The following VGLL3 variants were observed in gnomAD, a reference collection of about 807,000 sequenced individuals.
The protein encoded by VGLL3 is vestigial like family member 3.
VGLL3 carries 18 observed loss-of-function variants against 29.2 expected under a neutral mutation model. The observed-to-expected ratio is 0.62, with a 90% CI of 0.43 to 0.91. The LOEUF is 0.91. Ranked by LOEUF, VGLL3 falls within the 40% of genes least tolerant of loss-of-function variation. The pLI, the probability that VGLL3 is intolerant of heterozygous loss-of-function variation, is 0.00. For missense variants in VGLL3, 440 were observed against 413.2 expected (o/e 1.06, Z -0.56); for synonymous variants, 180 against 151.8 (o/e 1.19, Z -1.36).
At position 86,990,965 on chromosome 3, in the gene VGLL3, C is replaced by T. The variant is rs956164419; in HGVS notation, c.-222G>A. 2.9e-6 allele frequency: 3 copies of T among 1,047,920 alleles called. No homozygotes were observed. Among genetic ancestry groups the T allele is most frequent in the East Asian group, 7.6e-5 (1 of 13,210 alleles). 64.9% of individuals were successfully genotyped at this position (1,047,920 alleles called of 1,614,324 possible). On this transcript the variant is annotated 5_prime_UTR_variant, in exon 1 of 4. Transcript: ENST00000398399. ...CATGCGCGGGCACCTTCATCTTCAG[C>T]CCCTCCGGATGTTCCCTGCCGCGCT...
At chr3:86,980,040 G>A (rs1298573414) in intron 1 of VGLL3, among the ~76,000 whole-genome samples, 7 of 151,608 alleles carry the variant, frequency 4.6e-5, no homozygotes. Flanking sequence ...AGGAGATAAT[G>A]CTAAAGATAT....
intron 1 of VGLL3, among the ~76,000 whole-genome samples, chr3:86,986,002 A>T (rs1034418118): frequency 6.6e-6 from 1 of 150,814 alleles, no homozygotes; most frequent in Non-Finnish European, 1.5e-5. Context: ...CCCTTTGCAC[A>T]GATAGATATG....
In VGLL3 at chr3:86,940,147, A is replaced by T. The variant is rs1332837187; in HGVS notation, c.*6877T>A. 6.6e-6 allele frequency: 1 copy of T among 152,196 alleles called. No homozygotes were observed. The highest frequency in any genetic ancestry group is 1.5e-5 in the Non-Finnish European group (1 of 68,046). 9.4% of individuals were successfully genotyped at this position (152,196 alleles called of 1,614,324 possible). ...GATTTTCAGACTTTAGTACTTTCAC[A>T]TTAAAGATACGTGTAATAAGAAAAT... On this transcript the variant is annotated 3_prime_UTR_variant, in exon 4 of 4. Transcript: ENST00000398399.
intron 3 of VGLL3, among the ~76,000 whole-genome samples, chr3:86,949,129 T>C (rs920503144): frequency 6.6e-6 from 1 of 152,220 alleles, no homozygotes; most frequent in Non-Finnish European, 1.5e-5. Context: ...TTCTTGCTTT[T>C]AAACAAAGGC....
chr3:86,951,774 A>G (rs57604593), intron 3 of VGLL3, among the ~76,000 whole-genome samples: 13,429 of 149,222 alleles, frequency 0.09, 1,601 homozygotes, highest in African/African-American at 0.27. Flanking sequence ...CCCATAATTG[A>G]TATAGGAGAC....
chr3:86,969,040 A>G lies in VGLL3; in HGVS notation c.487T>C (p.Leu163=), dbSNP rs1209402832. The change falls in exon 3 of 4, where the codon TTG becomes CTG. Residue 163 remains leucine, a synonymous_variant. Transcript: ENST00000398399. The part of the protein sequence containing the change: ...SSYQPPPAPC[L]GGVHPDFQVT... Reference sequence around the variant, plus strand: ...TGGAAGTCAGGATGAACTCCCCCCAAACAAGGTGCAGGTGGGGGCTGGTAA... The same window carrying G: ...TGGAAGTCAGGATGAACTCCCCCCAGACAAGGTGCAGGTGGGGGCTGGTAA... The G allele has an allele frequency of 1.6e-5, 26 of 1,614,006 alleles. No homozygotes were observed. Among genetic ancestry groups the G allele is most frequent in the African/African-American group, 4.0e-5 (3 of 74,906 alleles).
chr3:86,953,828 T>G (rs1704662492), intron 3 of VGLL3, among the ~76,000 whole-genome samples: 1 of 152,210 alleles, frequency 6.6e-6, no homozygotes, highest in Non-Finnish European at 1.5e-5. Context: ...TTTCTTCCCA[T>G]GTATTACAAA....
chr3:86,948,598 T>A (rs952229804), intron 3 of VGLL3, among the ~76,000 whole-genome samples: 4 of 148,604 alleles, frequency 2.7e-5, no homozygotes, highest in African/African-American at 7.4e-5. Flanking sequence ...TAATTAATTT[T>A]AAAAAAGCAG....
chr3:86,976,656 C>T (rs1705216712), intron 2 of VGLL3, among the ~76,000 whole-genome samples: 1 of 152,182 alleles, frequency 6.6e-6, no homozygotes, highest in Admixed American at 6.5e-5. Flanking sequence ...TTGCAAATTA[C>T]AGAGAAAATG....
chr3:86,956,716 C>T (rs1234194426), intron 3 of VGLL3, among the ~76,000 whole-genome samples: 2 of 144,856 alleles, frequency 1.4e-5, no homozygotes, highest in Admixed American at 7.3e-5. Context: ...ACCCGGGAAG[C>T]GGAGCTTGCA....
chr3:86,990,780 GC>G lies in VGLL3; in HGVS notation c.-38del. 7.9e-7 allele frequency: 1 copy of G among 1,273,220 alleles called. No individual in the cohort carries two copies. Among genetic ancestry groups the G allele is most frequent in the Non-Finnish European group, 9.9e-7 (1 of 1,005,458 alleles). The allele number at this position is 1,273,220 out of a possible 1,614,324, so 78.9% of individuals were successfully genotyped here. ...CAGTGGCGGCCCCCGAGCTGCCGCCGCCGCTCTACGCGCTGGCGCGAGGGGC... is the reference window on the plus strand; with the variant it reads ...CAGTGGCGGCCCCCGAGCTGCCGCCGCGCTCTACGCGCTGGCGCGAGGGGC... On this transcript the variant is annotated 5_prime_UTR_variant, in exon 1 of 4. Coordinates refer to ENST00000398399, the MANE Select transcript of VGLL3 (RefSeq NM_016206.4).
chr3:86,975,297 CTTCT>C (rs1470938076), intron 2 of VGLL3, among the ~76,000 whole-genome samples: 1 of 152,146 alleles, frequency 6.6e-6, no homozygotes, highest in African/African-American at 2.4e-5. Flanking sequence ...TATTGAACCT[CTTCT>C]TTAAGACATT....
chr3:86,976,465 C>T (rs183923204), intron 2 of VGLL3, among the ~76,000 whole-genome samples: 2 of 152,284 alleles, frequency 1.3e-5, no homozygotes, highest in Admixed American at 1.3e-4. Flanking sequence ...TTGCCTAACA[C>T]ATAGCAGGAG....
At chr3:86,988,410 C>T (rs990790008) in intron 1 of VGLL3, among the ~76,000 whole-genome samples, 5 of 151,518 alleles carry the variant, frequency 3.3e-5, no homozygotes, top group African/African-American at 4.8e-5. Context: ...TATGTATTCT[C>T]GGATGACTGC....
rs140854941 is a variant in VGLL3, at chr3:86,958,464, C to T, written c.937+10126G>A. Among the ~76,000 whole-genome samples, 626 of 152,280 alleles carry T rather than the reference C, an allele frequency of 4.1e-3. 6 individuals are homozygous for T. The highest frequency in any genetic ancestry group is 0.014 in the African/African-American group (594 of 41,548). The stretch of plus-strand genomic sequence containing the variant: ...TGCAAGCACATCCTAAAACATAACA[C>T]CTTTACAAAGCTCCTGCACCTGTTC... On this transcript the variant is annotated intron_variant, in intron 3 of 3. Transcript: ENST00000398399.
At chr3:86,953,162 A>G (rs2106969992) in intron 3 of VGLL3, among the ~76,000 whole-genome samples, 1 of 152,156 alleles carries the variant, frequency 6.6e-6, no homozygotes, top group East Asian at 1.9e-4. Context: ...TTCTTGCTTA[A>G]AAATCAAGTT....
At chr3:86,976,810 C>A (rs1485428735) in intron 2 of VGLL3, among the ~76,000 whole-genome samples, 1 of 152,152 alleles carries the variant, frequency 6.6e-6, no homozygotes, top group Non-Finnish European at 1.5e-5. Context: ...AGCAAGGTTG[C>A]ATATGCCCAT....
intron 2 of VGLL3, among the ~76,000 whole-genome samples, chr3:86,975,167 T>A (rs1314312368): frequency 2.0e-5 from 3 of 152,194 alleles, no homozygotes; most frequent in African/African-American, 7.2e-5. Context: ...GGCTGGAACA[T>A]GAATCTAAAA....
In VGLL3 at chr3:86,969,068, G is replaced by C; in HGVS notation, c.459C>G (p.Ser153Arg). ...RNSFPTSFWTSSYQPPPAPCL... is the reference protein window; with the variant it reads ...RNSFPTSFWTRSYQPPPAPCL... ...AAGGTGCAGGTGGGGGCTGGTAAGA[G>C]CTGGTCCAAAAGGAAGTTGGGAAAC... Residue 153 changes from serine to arginine, a missense_variant, in exon 3 of 4, where the codon AGC becomes AGG. Ser to Arg is a moderately radical substitution (Grantham distance 110). Coordinates refer to ENST00000398399, the MANE Select transcript of VGLL3 (RefSeq NM_016206.4). The C allele has an allele frequency of 6.2e-7, 1 of 1,612,532 alleles. No homozygotes were observed. Among genetic ancestry groups the C allele is most frequent in the Non-Finnish European group, 8.5e-7 (1 of 1,178,826 alleles).
Sources: allele counts gnomAD v4.1 joint callset (sites outside exome capture counted in the v4.1 genomes callset), GRCh38; gene constraint gnomAD v4.1.1; transcripts MANE v1.5; gene names NCBI Gene and HGNC (gene_info 2026-07-23, HGNC 2026-07-21).